ZNF28: variants seen among roughly 807,000 people sequenced by gnomAD.
The protein encoded by ZNF28 is zinc finger protein 28.
A neutral mutation model predicts 7.2 loss-of-function variants in ZNF28; 5 were observed. That is an observed-to-expected ratio of 0.70 (90% CI 0.36 to 1.46). ZNF28 has a LOEUF of 1.46. Among genes scored for constraint, ZNF28 ranks in the 40% most tolerant of loss-of-function variants. The pLI, the probability that ZNF28 is intolerant of heterozygous loss-of-function variation, is 0.03. For missense variants in ZNF28, 879 were observed against 866.6 expected, an observed-to-expected ratio of 1.01 and a Z score of -0.18; for synonymous variants, 288 against 292.4, an observed-to-expected ratio of 0.99 and a Z score of 0.15.
intron 2 of ZNF28, among the ~76,000 whole-genome samples, chr19:52,811,543 C>T (rs1473048156): frequency 4.9e-4 from 72 of 147,932 alleles, no homozygotes; most frequent in South Asian, 1.5e-3. Flanking sequence ...TCTGCCCCAC[C>T]GCCCTGTCTG....
chr19:52,799,895 G>C lies in ZNF28; in HGVS notation c.1950C>G (p.Leu650=). 6.2e-7 allele frequency: 1 copy of C among 1,602,512 alleles called. No homozygotes were observed. The highest frequency in any genetic ancestry group is 8.5e-7 in the Non-Finnish European group (1 of 1,176,196). ...CGKTFSQMSS[L]VYHHRLHSGE... is the part of the protein sequence containing the mutation. ...CACTATGAAGCCTATGATGGTATACGAGGGATGACATCTGACTGAAGGTCT... is the reference window on the plus strand; with the variant it reads ...CACTATGAAGCCTATGATGGTATACCAGGGATGACATCTGACTGAAGGTCT... The change falls in exon 4 of 4, where the codon CTC becomes CTG. Residue 650 remains leucine (L), a synonymous_variant. Coordinates refer to ENST00000457749, the MANE Select transcript of ZNF28 (RefSeq NM_006969.5).
chr19:52,813,041 G>T (rs1488217035), intron 2 of ZNF28, among the ~76,000 whole-genome samples: 1 of 151,730 alleles, frequency 6.6e-6, no homozygotes, highest in African/African-American at 2.4e-5. Context: ...ATTGTGAAAA[G>T]AGAACAATGC....
rs1383802858 is a variant in ZNF28 at position 52,815,596 on chromosome 19, G to A, written c.15+2348C>T. 9.6e-5 allele frequency among the ~76,000 whole-genome samples: 14 copies of A among 146,500 alleles called. 2 individuals are homozygous for A. Among genetic ancestry groups the A allele is most frequent in the East Asian group, 6.0e-4 (3 of 4,982 alleles). Reference sequence around the variant, plus strand: ...TCCCAGCACTTTGGGAGGCCGAGGCGGGCGAATCATGAGGTCAGGAGATCG... The same window carrying A: ...TCCCAGCACTTTGGGAGGCCGAGGCAGGCGAATCATGAGGTCAGGAGATCG... On this transcript the variant is annotated intron_variant, in intron 2 of 3. Coordinates refer to ENST00000457749, the MANE Select transcript of ZNF28 (RefSeq NM_006969.5).
chr19:52,798,713 T>C lies in ZNF28; in HGVS notation c.*975A>G, dbSNP rs957085542. On this transcript the variant is annotated 3_prime_UTR_variant, in exon 4 of 4. Transcript: ENST00000457749. ...AGGTTTCTCTCCAGCATGAGTTCGA[T>C]GATGAATAGCAATATATGAACGATA... The C allele has an allele frequency of 1.3e-5, 6 of 466,844 alleles. No individual in the cohort carries two copies. Among genetic ancestry groups the C allele is most frequent in the Middle Eastern group, 3.4e-4 (1 of 2,924 alleles). The allele number at this position is 466,844 out of a possible 1,614,324, so 28.9% of individuals were successfully genotyped here.
chr19:52,812,564 G>T (rs2063065733), intron 2 of ZNF28, among the ~76,000 whole-genome samples: 1 of 124,906 alleles, frequency 8.0e-6, no homozygotes, highest in Non-Finnish European at 1.7e-5. Context: ...ATGCTTGAAG[G>T]CAGCATGCTC....
At chr19:52,814,605 A>T (rs1037082313) in intron 2 of ZNF28, among the ~76,000 whole-genome samples, 2 of 145,384 alleles carry the variant, frequency 1.4e-5, no homozygotes, top group Non-Finnish European at 3.0e-5. Context: ...GAAAAAAAAA[A>T]GCTGGGCGAG....
At chr19:52,806,228 C>A (rs1457457783) in intron 3 of ZNF28, among the ~76,000 whole-genome samples, 1 of 151,984 alleles carries the variant, frequency 6.6e-6, no homozygotes, top group African/African-American at 2.4e-5. Flanking sequence ...GAGTTTCACT[C>A]TGTCTCCCAT....
intron 2 of ZNF28, among the ~76,000 whole-genome samples, chr19:52,811,464 C>T (rs1432880744): frequency 3.4e-5 from 5 of 148,390 alleles, no homozygotes; most frequent in Non-Finnish European, 7.4e-5. Flanking sequence ...TCTTCCCCGC[C>T]GCCATCCCAT....
At chr19:52,801,723 T>C (rs368056333) in intron 3 of ZNF28, 21 bp from the exon 4 acceptor site, 82 of 1,598,278 alleles carry the variant, frequency 5.1e-5, no homozygotes, top group Non-Finnish European at 6.2e-5. Flanking sequence ...TAAACACCAA[T>C]AGGTTTCCAA....
intron 2 of ZNF28, among the ~76,000 whole-genome samples, chr19:52,809,263 C>T (rs1240372765): frequency 6.6e-6 from 1 of 152,112 alleles, no homozygotes; most frequent in Non-Finnish European, 1.5e-5. Flanking sequence ...TGCGGACGTG[C>T]ACAGAGGCAG....
chr19:52,810,082 G>GAGC, intron 2 of ZNF28: 1 of 767,068 alleles, frequency 1.3e-6, no homozygotes, highest in Non-Finnish European at 2.3e-6. Context: ...CCTGGGCCTC[G>GAGC]TTCAGGAGCC....
intron 2 of ZNF28, among the ~76,000 whole-genome samples, chr19:52,817,393 A>C (rs73067589): frequency 0.03 from 4,543 of 152,272 alleles, 87 homozygotes; most frequent in Middle Eastern, 0.065. Context: ...ATAATAATGA[A>C]GGAATCATTA....
Position 52,812,273 on chromosome 19 carries a change from G to A in ZNF28, c.16-4140C>T, listed in dbSNP as rs1380049225. ...ACCCCGTCTGGGAGGTGTGCCCAGCGGCTCATTGAGAACGGGCCATGATGA... is the reference window on the plus strand; with the variant it reads ...ACCCCGTCTGGGAGGTGTGCCCAGCAGCTCATTGAGAACGGGCCATGATGA... On this transcript the variant is annotated intron_variant, in intron 2 of 3. Coordinates refer to ENST00000457749, the MANE Select transcript of ZNF28 (RefSeq NM_006969.5). Among the ~76,000 whole-genome samples, 26 of 139,734 alleles carry A rather than the reference G, an allele frequency of 1.9e-4. 2 individuals carry two copies. The highest frequency in any genetic ancestry group is 4.7e-4 in the African/African-American group (15 of 31,920). The allele number at this position is 139,734 out of a possible 152,430, so 91.7% of individuals were successfully genotyped here.
intron 3 of ZNF28, among the ~76,000 whole-genome samples, chr19:52,802,032 A>T (rs2062878959): frequency 6.6e-6 from 1 of 152,244 alleles, no homozygotes; most frequent in Non-Finnish European, 1.5e-5. Flanking sequence ...CACATCAAAA[A>T]AAGAAAAATA....
intron 1 of ZNF28, among the ~76,000 whole-genome samples, 185 bp from the exon 2 acceptor site, chr19:52,818,216 G>A (rs1039463849): frequency 3.3e-5 from 5 of 152,102 alleles, no homozygotes; most frequent in African/African-American, 9.7e-5. Context: ...CCACACACAC[G>A]CTGCAGCAGT....
At chr19:52,812,771 A>T (rs1381635582) in intron 2 of ZNF28, among the ~76,000 whole-genome samples, 2 of 119,588 alleles carry the variant, frequency 1.7e-5, no homozygotes, top group Admixed American at 8.6e-5. Flanking sequence ...ATAAAAAAAA[A>T]AAAAAAAAAA....
rs1042855345 is a variant in ZNF28, at chr19:52,797,515, T to C, written c.*2173A>G. On this transcript the variant is annotated 3_prime_UTR_variant, in exon 4 of 4. Transcript: ENST00000457749. ...GAACTAATAAACATATTCAGTGTATTTGCAGAATAGAATAATAGCACCAAA... is the reference window on the plus strand; with the variant it reads ...GAACTAATAAACATATTCAGTGTATCTGCAGAATAGAATAATAGCACCAAA... 1.3e-5 allele frequency: 2 copies of C among 152,238 alleles called. No individual in the cohort carries two copies. Among genetic ancestry groups the C allele is most frequent in the Admixed American group, 6.5e-5 (1 of 15,282 alleles). The allele number at this position is 152,238 out of a possible 1,614,324, so 9.4% of individuals were successfully genotyped here.
intron 2 of ZNF28, among the ~76,000 whole-genome samples, chr19:52,817,430 T>C (rs538514400): frequency 1.3e-5 from 2 of 152,286 alleles, no homozygotes; most frequent in East Asian, 1.9e-4. Context: ...TGTATGAACA[T>C]TCCATTCTAA....
At position 52,800,671 on chromosome 19, in the gene ZNF28, A is replaced by G. The variant is rs138531527; in HGVS notation, c.1174T>C (p.Phe392Leu). 3.0e-4 allele frequency: 483 copies of G among 1,613,264 alleles called. No individual in the cohort carries two copies. The highest frequency in any genetic ancestry group is 2.1e-3 in the African/African-American group (159 of 74,950). Reference protein sequence around the residue: ...PYECEECEKVFSRKSHLERHK... With the variant: ...PYECEECEKVLSRKSHLERHK... ...CTTTCAAGATGTGATTTGCGACTGA[A>G]AACTTTTTCACATTCTTCACATTCA... Residue 392 changes from phenylalanine (F) to leucine (L), a missense_variant, in exon 4 of 4, where the codon TTC becomes CTC. Around this residue, in one of 2 missense-constraint regions of ZNF28, gnomAD observed 864 missense variants for 830.2 expected, o/e 1.04. Transcript: ENST00000457749.
Sources: gnomAD v4.1 joint callset for allele counts (sites outside exome capture counted in the v4.1 genomes callset) on GRCh38, gnomAD v4.1.1 for gene constraint, gnomAD v4.1.1 regional missense constraint, MANE v1.5 for transcripts, NCBI Gene and HGNC (gene_info 2026-07-23, HGNC 2026-07-21) for gene names.